NMNAT3: variants seen among roughly 807,000 people sequenced by gnomAD.
The protein encoded by NMNAT3 is nicotinamide nucleotide adenylyltransferase 3.
NMNAT3 carries 21 observed loss-of-function variants against 24.8 expected under a neutral mutation model. That is an observed-to-expected ratio of 0.85 (90% CI 0.60 to 1.22). The LOEUF is 1.22. Among genes scored for constraint, NMNAT3 ranks in the 50% most tolerant of loss-of-function variants. The probability of loss-of-function intolerance (pLI) is 0.00; values close to 1 mark genes in which losing one functional copy is unlikely to be tolerated. For missense variants in NMNAT3, 387 were observed against 436.6 expected, an observed-to-expected ratio of 0.89 and a Z score of 1.01; for synonymous variants, 136 against 155.2, an observed-to-expected ratio of 0.88 and a Z score of 0.92.
rs190614564 is a variant in NMNAT3, at chr3:139,677,220, T to A, written c.-141+485A>T. The stretch of plus-strand genomic sequence containing the variant: ...AATCTTCATAGCTCTGACCACAGTT[T>A]TAACGTTCACACTTGTTTGCATAGA... On this transcript the variant is annotated intron_variant, in intron 1 of 6. Transcript: ENST00000643695. Among the ~76,000 whole-genome samples, 6 of 152,320 alleles carry A rather than the reference T, an allele frequency of 3.9e-5. No individual in the cohort carries two copies. The East Asian group carries it at 9.6e-4, about 24-fold the overall frequency.
At chr3:139,642,740 G>T (rs1441007394) in intron 1 of NMNAT3, among the ~76,000 whole-genome samples, 2 of 152,056 alleles carry the variant, frequency 1.3e-5, no homozygotes, top group Admixed American at 1.3e-4. Flanking sequence ...CCACAGTGGG[G>T]CTTCCTTCAT....
At chr3:139,563,812 T>C (rs1207548273) in intron 6 of NMNAT3, among the ~76,000 whole-genome samples, 1 of 152,160 alleles carries the variant, frequency 6.6e-6, no homozygotes, top group Non-Finnish European at 1.5e-5. Flanking sequence ...TCTATCCAAG[T>C]CCTAAGTATG....
intron 1 of NMNAT3, among the ~76,000 whole-genome samples, chr3:139,675,520 C>CT (rs1189078448): frequency 2.0e-5 from 3 of 152,226 alleles, no homozygotes; most frequent in Non-Finnish European, 2.9e-5. Flanking sequence ...CTGGGGCTTT[C>CT]TGACAGTGCA....
At chr3:139,573,896 T>C (rs1002678386) in intron 5 of NMNAT3, among the ~76,000 whole-genome samples, 1 of 152,220 alleles carries the variant, frequency 6.6e-6, no homozygotes, top group African/African-American at 2.4e-5. Flanking sequence ...GACAGTCCAC[T>C]ACTTTCCATG....
chr3:139,599,575 C>G (rs2054622407), intron 3 of NMNAT3: 1 of 604,952 alleles, frequency 1.7e-6, no homozygotes, highest in South Asian at 2.1e-5. Flanking sequence ...ACCAGAATCT[C>G]AACTAAATGG....
chr3:139,633,539 C>T (rs911688966), intron 2 of NMNAT3, among the ~76,000 whole-genome samples: 52 of 152,152 alleles, frequency 3.4e-4, no homozygotes, highest in African/African-American at 1.2e-3. Flanking sequence ...TTTGTTACAG[C>T]AGCCATAGGA....
chr3:139,597,305 TA>T (rs1006072410), intron 3 of NMNAT3, among the ~76,000 whole-genome samples: 2 of 152,004 alleles, frequency 1.3e-5, no homozygotes, highest in Non-Finnish European at 2.9e-5. Context: ...ACTGAGAGCA[TA>T]AAAAAAATCC....
intron 5 of NMNAT3, chr3:139,576,133 C>T (rs771608484): frequency 8.0e-5 from 95 of 1,191,952 alleles, no homozygotes; most frequent in Admixed American, 1.8e-4. Flanking sequence ...TGCAGATTCA[C>T]TACGGACTTT....
At chr3:139,635,281 GC>G (rs2056460044) in intron 2 of NMNAT3, 2 of 152,234 alleles carry the variant, frequency 1.3e-5, no homozygotes, top group Non-Finnish European at 2.9e-5. Context: ...GCTCAGGCCA[GC>G]TCAGCCTGGG....
chr3:139,622,334 T>A (rs927493665), intron 3 of NMNAT3, among the ~76,000 whole-genome samples: 1 of 152,138 alleles, frequency 6.6e-6, no homozygotes, highest in Admixed American at 6.6e-5. Context: ...TGATGATTAG[T>A]AATGTTTAGC....
intron 3 of NMNAT3, chr3:139,599,199 A>T: frequency 1.7e-6 from 1 of 594,530 alleles, no homozygotes; most frequent in Non-Finnish European, 3.0e-6. Flanking sequence ...ACATATTTAA[A>T]ACAAAACTAC....
rs2054583826 is a variant in NMNAT3 at position 139,598,679 on chromosome 3, C to T, written c.110-15471G>A. 2.0e-5 allele frequency among the ~76,000 whole-genome samples: 3 copies of T among 152,150 alleles called. No individual in the cohort carries two copies. In the South Asian group the frequency reaches 6.2e-4, roughly 32 times the overall value. On this transcript the variant is annotated intron_variant, in intron 3 of 6. Coordinates refer to ENST00000643695, the MANE Select transcript of NMNAT3 (RefSeq NM_001320510.2). Reference sequence around the variant, plus strand: ...TGGTGAAATTCCTGACCCACTGAATCTATGAGCATAACAGAATGGTCAATT... The same window carrying T: ...TGGTGAAATTCCTGACCCACTGAATTTATGAGCATAACAGAATGGTCAATT...
chr3:139,595,042 T>G (rs2054381744), intron 3 of NMNAT3, among the ~76,000 whole-genome samples: 1 of 152,236 alleles, frequency 6.6e-6, no homozygotes, highest in Non-Finnish European at 1.5e-5. Context: ...GCAGACGACA[T>G]GATTGTGTAT....
chr3:139,595,761 T>C (rs1444381476), intron 3 of NMNAT3, among the ~76,000 whole-genome samples: 1 of 152,176 alleles, frequency 6.6e-6, no homozygotes, highest in Non-Finnish European at 1.5e-5. Context: ...TAGCCATATG[T>C]AGAAAGCTGA....
chr3:139,580,162 T>C (rs540684477), intron 4 of NMNAT3, among the ~76,000 whole-genome samples: 1 of 152,310 alleles, frequency 6.6e-6, no homozygotes, highest in South Asian at 2.1e-4. Flanking sequence ...AGATCTTGTG[T>C]GTTAGGACTG....
intron 1 of NMNAT3, among the ~76,000 whole-genome samples, chr3:139,661,974 A>G (rs1016887445): frequency 5.9e-5 from 9 of 152,184 alleles, no homozygotes; most frequent in Non-Finnish European, 1.3e-4. Context: ...AAAATAAAAC[A>G]CAGACACAGT....
chr3:139,586,973 A>G (rs1166702794), intron 3 of NMNAT3, among the ~76,000 whole-genome samples: 2 of 152,132 alleles, frequency 1.3e-5, no homozygotes, highest in Non-Finnish European at 2.9e-5. Flanking sequence ...AGATAAACCT[A>G]ATTTGTATTG....
chr3:139,662,354 C>G (rs1034063673), intron 1 of NMNAT3, among the ~76,000 whole-genome samples: 1 of 152,138 alleles, frequency 6.6e-6, no homozygotes, highest in Non-Finnish European at 1.5e-5. Context: ...GAGCTTCTAT[C>G]TGCTCATCTG....
intron 3 of NMNAT3, among the ~76,000 whole-genome samples, chr3:139,609,486 A>G (rs2055097990): frequency 6.6e-6 from 1 of 152,014 alleles, no homozygotes; most frequent in Admixed American, 6.5e-5. Context: ...CCTAATTGTT[A>G]ATGTTGTTAA....
Sources: allele counts gnomAD v4.1 joint callset (sites outside exome capture counted in the v4.1 genomes callset), GRCh38; gene constraint gnomAD v4.1.1; transcripts MANE v1.5; gene names NCBI Gene and HGNC (gene_info 2026-07-23, HGNC 2026-07-21).